The following SPON1 variants were observed in gnomAD, a reference collection of about 807,000 sequenced individuals.
The protein encoded by SPON1 is spondin 1.
A neutral mutation model predicts 111.7 loss-of-function variants in SPON1; 52 were observed. That is an observed-to-expected ratio of 0.47 (90% confidence interval 0.37 to 0.59). The LOEUF is 0.59. Among genes scored for constraint, SPON1 ranks in the 20% least tolerant of loss-of-function variants. The pLI is 0.00. For missense variants in SPON1, 957 were observed against 1,068.5 expected (o/e 0.90, Z 1.46); for synonymous variants, 410 against 395.8 (o/e 1.04, Z -0.43).
intron 2 of SPON1, among the ~76,000 whole-genome samples, chr11:14,006,432 G>C (rs1554913136): frequency 6.6e-6 from 1 of 152,152 alleles, no homozygotes; most frequent in Admixed American, 6.5e-5. Flanking sequence ...AGGCAGGAAG[G>C]CTGGGTAGGA....
intron 2 of SPON1, among the ~76,000 whole-genome samples, chr11:14,012,347 G>A (rs1848412066): frequency 2.0e-5 from 3 of 152,194 alleles, no homozygotes; most frequent in Admixed American, 1.3e-4. Flanking sequence ...TGGGAAGGCT[G>A]AGACTGTGCC....
chr11:14,173,710 G>A (rs12578069), intron 6 of SPON1, among the ~76,000 whole-genome samples: 27,004 of 152,124 alleles, frequency 0.18, 2,529 homozygotes, highest in Admixed American at 0.24. Context: ...CCTTCTAACA[G>A]TCAGGACCCT....
At chr11:13,978,409 C>T (rs1848118922) in intron 1 of SPON1, among the ~76,000 whole-genome samples, 1 of 152,168 alleles carries the variant, frequency 6.6e-6, no homozygotes, top group Non-Finnish European at 1.5e-5. Flanking sequence ...AGCACGTCAA[C>T]TCCGCACTGG....
intron 5 of SPON1, among the ~76,000 whole-genome samples, chr11:14,118,494 G>A (rs1472797845): frequency 6.6e-6 from 1 of 152,192 alleles, no homozygotes; most frequent in African/African-American, 2.4e-5. Context: ...TGTTCTTTGT[G>A]TCTGAGATGA....
At chr11:13,970,538 C>T (rs1191458750) in intron 1 of SPON1, among the ~76,000 whole-genome samples, 1 of 152,178 alleles carries the variant, frequency 6.6e-6, no homozygotes, top group Non-Finnish European at 1.5e-5. Flanking sequence ...GGCACAGTCA[C>T]AGCAGGATGA....
intron 6 of SPON1, among the ~76,000 whole-genome samples, chr11:14,196,645 C>T (rs1848405619): frequency 6.6e-6 from 1 of 152,176 alleles, no homozygotes; most frequent in African/African-American, 2.4e-5. Context: ...TAAAATTGTC[C>T]CCAGCTCAGT....
At position 13,982,963 on chromosome 11, in the gene SPON1, T is replaced by G. The variant is rs1554909885; in HGVS notation, c.345+10T>G. The G allele has an allele frequency of 7.9e-6, 12 of 1,524,382 alleles. No individual in the cohort carries two copies. The highest frequency in any genetic ancestry group is 1.1e-5 in the Non-Finnish European group (12 of 1,121,680). The allele number at this position is 1,524,382 out of a possible 1,614,324, so 94.4% of individuals were successfully genotyped here. On this transcript the variant is annotated intron_variant, in intron 2 of 15. Coordinates refer to ENST00000576479, the MANE Select transcript of SPON1 (RefSeq NM_006108.4). The stretch of plus-strand genomic sequence containing the variant: ...TGCTGGGACCTTCCAGGTAAGACCC[T>G]GCCTGGGCTTATTCAGTGGCCCTCC...
intron 3 of SPON1, among the ~76,000 whole-genome samples, chr11:14,070,435 C>A (rs1210658412): frequency 5.3e-5 from 8 of 152,076 alleles, no homozygotes; most frequent in Non-Finnish European, 1.2e-4. Flanking sequence ...AAGAAACAGA[C>A]CTGACATCAA....
intron 9 of SPON1, 75 bp downstream of exon 9, chr11:14,255,862 CTAGAATCA>C (rs1849101560): frequency 5.4e-6 from 8 of 1,488,660 alleles, no homozygotes; most frequent in South Asian, 1.3e-5. Flanking sequence ...CCCTTCTGCT[CTAGAATCA>C]TAGAGTCACT....
At chr11:14,150,339 T>A (rs1210113755) in intron 6 of SPON1, among the ~76,000 whole-genome samples, 1 of 151,002 alleles carries the variant, frequency 6.6e-6, no homozygotes, top group Non-Finnish European at 1.5e-5. Context: ...TGGTGAGAGG[T>A]TAGTTAACGG....
At chr11:13,967,926 GAAATA>G (rs782287411) in intron 1 of SPON1, among the ~76,000 whole-genome samples, 1 of 152,078 alleles carries the variant, frequency 6.6e-6, no homozygotes, top group Non-Finnish European at 1.5e-5. Context: ...GGAAATGAAA[GAAATA>G]AAAACATACA....
intron 6 of SPON1, among the ~76,000 whole-genome samples, chr11:14,154,664 T>C (rs563129722): frequency 4.3e-4 from 66 of 152,366 alleles, no homozygotes; most frequent in South Asian, 1.0e-3. Context: ...GGCTTCTCTT[T>C]ACTTAGGCAA....
rs1849278921 is a variant in SPON1, at chr11:14,267,039, G to C, written c.*1352G>C. The C allele has an allele frequency of 6.6e-6, 1 of 152,106 alleles. No homozygotes were observed. Among genetic ancestry groups the C allele is most frequent in the Non-Finnish European group, 1.5e-5 (1 of 68,012 alleles). 9.4% of individuals were successfully genotyped at this position (152,106 alleles called of 1,614,324 possible). On this transcript the variant is annotated 3_prime_UTR_variant, in exon 16 of 16. Transcript: ENST00000576479. ...CTATTGTTTCATTTCTTCTTTTATA[G>C]GCCTTATTACTGCTTAATCCAAATG...
intron 6 of SPON1, among the ~76,000 whole-genome samples, chr11:14,202,872 G>A (rs562827212): frequency 1.7e-4 from 26 of 152,222 alleles, no homozygotes; most frequent in African/African-American, 6.3e-4. Flanking sequence ...GTCAAGCAGA[G>A]GTGCTGGCCC....
intron 6 of SPON1, among the ~76,000 whole-genome samples, chr11:14,183,325 G>A (rs1168940018): frequency 1.3e-5 from 2 of 152,160 alleles, no homozygotes; most frequent in African/African-American, 4.8e-5. Context: ...CCAAAGAAGA[G>A]CTATTTTTCT....
At chr11:14,159,818 T>G (rs183702639) in intron 6 of SPON1, among the ~76,000 whole-genome samples, 1,820 of 144,480 alleles carry the variant, frequency 0.013, 32 homozygotes, top group African/African-American at 0.044. Flanking sequence ...CACTTATTTA[T>G]GAGATCTAAA....
intron 2 of SPON1, among the ~76,000 whole-genome samples, chr11:13,988,323 T>C (rs1174529598): frequency 6.6e-6 from 1 of 152,208 alleles, no homozygotes; most frequent in Non-Finnish European, 1.5e-5. Context: ...TAATTGTGAA[T>C]GGGAGTTCAC....
At chr11:13,985,799 A>G (rs1848178058) in intron 2 of SPON1, among the ~76,000 whole-genome samples, 1 of 152,068 alleles carries the variant, frequency 6.6e-6, no homozygotes, top group African/African-American at 2.4e-5. Context: ...GGGTCCAAAC[A>G]CTGTGCCAGT....
chr11:14,168,569 T>C (rs561611754), intron 6 of SPON1, among the ~76,000 whole-genome samples: 1 of 152,296 alleles, frequency 6.6e-6, no homozygotes, highest in East Asian at 1.9e-4. Flanking sequence ...TTGTTACCTA[T>C]GTATACATGA....
Sources: gnomAD v4.1 joint callset for allele counts (sites outside exome capture counted in the v4.1 genomes callset) on GRCh38, gnomAD v4.1.1 for gene constraint, MANE v1.5 for transcripts, NCBI Gene and HGNC (gene_info 2026-07-23, HGNC 2026-07-21) for gene names.